ZNF850: variants seen among roughly 807,000 people sequenced by gnomAD.
ZNF850 encodes the protein putative zinc finger protein ENSP00000330994.
Under a neutral mutation model 11.9 loss-of-function variants are expected in ZNF850, and 2 were observed. The ratio of observed to expected loss-of-function variants is 0.17; its 90% CI spans 0.07 to 0.53. The LOEUF (loss-of-function observed/expected upper bound fraction) is 0.53, where lower values mean the gene tolerates loss of function less well. Among genes scored for constraint, ZNF850 ranks in the 20% least tolerant of loss-of-function variants. The pLI is 0.94. For synonymous variants in ZNF850, 381 were observed against 443.0 expected (o/e 0.86, Z 1.76); for missense variants, 1,014 against 1,316.4 (o/e 0.77, Z 3.55).
Position 36,749,797 on chromosome 19 carries a change from G to GAAT in ZNF850, c.1240_1242dup (p.Ile414dup). On this transcript the variant is annotated inframe_insertion, in exon 5 of 5. Transcript: ENST00000591344. ...CAATCATAGGGTTTCTCACCAGTGT[G>GAAT]AATTGCCTGGTGTCCAATTAACCCT... The GAAT allele has an allele frequency of 6.4e-7, 1 of 1,559,302 alleles. No homozygotes were observed. The highest frequency in any genetic ancestry group is 8.7e-7 in the Non-Finnish European group (1 of 1,155,342).
chr19:36,762,499 G>A, intron 2 of ZNF850, 68 bp from the exon 3 acceptor site: 3 of 1,532,436 alleles, frequency 2.0e-6, no homozygotes, highest in Non-Finnish European at 2.6e-6. Flanking sequence ...AGGAAGAGAT[G>A]GAAGGGTGCT....
chr19:36,747,639 AAAAAAAAAAAAAGTCGTAATTCTGG>A lies in ZNF850; in HGVS notation c.*103_*127del. Reference sequence around the variant, plus strand: ...CGACAGAGCAAGACTCCGTCTCAAAAAAAAAAAAAAAAGTCGTAATTCTGGAAAAAGTGAATATGAAGTAATACAC... The same window carrying A: ...CGACAGAGCAAGACTCCGTCTCAAAAAAAAAGTGAATATGAAGTAATACAC... On this transcript the variant is annotated 3_prime_UTR_variant, in exon 5 of 5. Coordinates refer to ENST00000591344, the MANE Select transcript of ZNF850 (RefSeq NM_001193552.2). The A allele has an allele frequency of 9.4e-7, 1 of 1,065,434 alleles. No homozygotes were observed. The highest frequency in any genetic ancestry group is 1.3e-6 in the Non-Finnish European group (1 of 785,264). 66.0% of individuals were successfully genotyped at this position (1,065,434 alleles called of 1,614,324 possible). A position where few individuals can be genotyped will look rare whatever the true frequency, so the allele number is the denominator to read the frequency against.
chr19:36,768,094 T>C (rs2040559214), intron 1 of ZNF850, among the ~76,000 whole-genome samples: 1 of 151,836 alleles, frequency 6.6e-6, no homozygotes, highest in Admixed American at 6.6e-5. Context: ...GACCCCCGTC[T>C]CTGCAAAAAT....
At position 36,744,930 on chromosome 19, in the gene ZNF850, T is replaced by TAACA. The variant is rs2040402565; in HGVS notation, c.*2833_*2836dup. ...GTCAGGAGATTGAGACCATCCTGGCTAACATGGTGAAATTCCGTCTCTACT... is the reference window on the plus strand; with the variant it reads ...GTCAGGAGATTGAGACCATCCTGGCTAACAAACATGGTGAAATTCCGTCTCTACT... On this transcript the variant is annotated 3_prime_UTR_variant, in exon 5 of 5. Coordinates refer to ENST00000591344, the MANE Select transcript of ZNF850 (RefSeq NM_001193552.2). 1 of 152,082 alleles carries TAACA rather than the reference T, an allele frequency of 6.6e-6. No individual in the cohort carries two copies. Among genetic ancestry groups the TAACA allele is most frequent in the East Asian group, 1.9e-4 (1 of 5,174 alleles). The allele number at this position is 152,082 out of a possible 1,614,324, so 9.4% of individuals were successfully genotyped here.
At chr19:36,760,789 C>CG (rs2145964391) in intron 4 of ZNF850, among the ~76,000 whole-genome samples, 1 of 151,822 alleles carries the variant, frequency 6.6e-6, no homozygotes, top group South Asian at 2.1e-4. Context: ...TACTTGAACC[C>CG]GGGAAGTGGA....
At chr19:36,761,221 C>A (rs1327136049) in intron 4 of ZNF850, among the ~76,000 whole-genome samples, 1 of 152,100 alleles carries the variant, frequency 6.6e-6, no homozygotes, top group Non-Finnish European at 1.5e-5. Context: ...AGGTGGATCA[C>A]TTGAGGTCAG....
Position 36,749,001 on chromosome 19 carries a change from T to G in ZNF850, c.2039A>C (p.Lys680Thr), listed in dbSNP as rs1426770818. 2 of 1,607,936 alleles carry G rather than the reference T, an allele frequency of 1.2e-6. No individual in the cohort carries two copies. Among genetic ancestry groups the G allele is most frequent in the Non-Finnish European group, 8.5e-7 (1 of 1,177,874 alleles). ...AAGGTATGTACGCTGTCTAAAGGCC[T>G]TCCCACAGTCCGGACATTCATAGGG... ...EKPYECPDCG[K>T]AFRQRTYLNQ... Residue 680 changes from lysine to threonine, a missense_variant, in exon 5 of 5, where the codon AAG becomes ACG. By Grantham distance (78) the Lys-to-Thr change is moderately conservative. Transcript: ENST00000591344.
intron 1 of ZNF850, among the ~76,000 whole-genome samples, chr19:36,771,739 C>T (rs2040585611): frequency 6.6e-6 from 1 of 152,194 alleles, no homozygotes; most frequent in African/African-American, 2.4e-5. Flanking sequence ...TGCACCGTTT[C>T]GTAAGCCCCC....
At chr19:36,767,787 C>CA (rs1336252125) in intron 1 of ZNF850, among the ~76,000 whole-genome samples, 1 of 150,396 alleles carries the variant, frequency 6.6e-6, no homozygotes, top group African/African-American at 2.4e-5. Context: ...AAAAGAACTC[C>CA]AAAAAAACAA....
intron 1 of ZNF850, among the ~76,000 whole-genome samples, chr19:36,763,269 G>A (rs924761749): frequency 1.3e-5 from 2 of 152,092 alleles, no homozygotes; most frequent in East Asian, 1.9e-4. Context: ...GGCTGGGCGC[G>A]GTGGCTCACA....
In ZNF850 at chr19:36,750,236, A is replaced by C. The variant is rs771332591; in HGVS notation, c.804T>G (p.Leu268=). 16 of 1,538,344 alleles carry C rather than the reference A, an allele frequency of 1.0e-5. No individual in the cohort carries two copies. Among genetic ancestry groups the C allele is most frequent in the Non-Finnish European group, 1.4e-5 (16 of 1,146,872 alleles). ...SVKAFRPSAH[L]IQHWRIHTGD... ...CAGTATGAATTCTCCAATGTTGAAT[A>C]AGATGTGCAGACGGTCTAAAGGCCT... Residue 268 remains leucine, a synonymous_variant, in exon 5 of 5, where the codon CTT becomes CTG. Transcript: ENST00000591344.
chr19:36,760,514 C>G (rs926737005), intron 4 of ZNF850, among the ~76,000 whole-genome samples: 5 of 151,782 alleles, frequency 3.3e-5, no homozygotes, highest in Non-Finnish European at 7.4e-5. Context: ...CCATAACTGT[C>G]ACCCACCAAG....
rs1348925208 is a variant in ZNF850, at chr19:36,743,575, TTCA to T, written c.*4189_*4191del. ...GAAACCATTTCATCTACTAAAGTAG[TTCA>T]TCAATGTTACAATCCTTAGACAAAA... On this transcript the variant is annotated 3_prime_UTR_variant, in exon 5 of 5. Transcript: ENST00000591344. 1 of 152,034 alleles carries T rather than the reference TTCA, an allele frequency of 6.6e-6. No homozygotes were observed. Among genetic ancestry groups the T allele is most frequent in the Non-Finnish European group, 1.5e-5 (1 of 68,008 alleles). The allele number at this position is 152,034 out of a possible 1,614,324, so 9.4% of individuals were successfully genotyped here.
At chr19:36,768,099 A>AAAAAT (rs978523527) in intron 1 of ZNF850, among the ~76,000 whole-genome samples, 7 of 152,178 alleles carry the variant, frequency 4.6e-5, no homozygotes, top group South Asian at 4.1e-4. Flanking sequence ...CCGTCTCTGC[A>AAAAAT]AAAATAAAAT....
chr19:36,754,141 C>A (rs796681750), intron 4 of ZNF850, among the ~76,000 whole-genome samples: 6 of 138,930 alleles, frequency 4.3e-5, no homozygotes, highest in African/African-American at 1.6e-4. Flanking sequence ...TGCACTCAGC[C>A]CGGGCAACAG....
In ZNF850 at chr19:36,748,787, G is replaced by A; in HGVS notation, c.2253C>T (p.His751=). Residue 751 remains histidine, a synonymous_variant, in exon 5 of 5, where the codon CAC becomes CAT. Coordinates refer to ENST00000591344, the MANE Select transcript of ZNF850 (RefSeq NM_001193552.2). The part of the protein sequence containing the change: ...HSTLIQHQQI[H]TGEKPYDCKE... ...TACAATCATAGGGTTTCTCACCAGT[G>A]TGAATTTGCTGATGTTGAATTAGTG... 3 of 1,552,534 alleles carry A rather than the reference G, an allele frequency of 1.9e-6. No individual in the cohort carries two copies. The highest frequency in any genetic ancestry group is 2.6e-6 in the Non-Finnish European group (3 of 1,153,890).
At position 36,750,740 on chromosome 19, in the gene ZNF850, T is replaced by G; in HGVS notation, c.300A>C (p.Ser100=). 1 of 1,533,782 alleles carries G rather than the reference T, an allele frequency of 6.5e-7. No individual in the cohort carries two copies. The highest frequency in any genetic ancestry group is 8.7e-7 in the Non-Finnish European group (1 of 1,145,508). Residue 100 remains serine (S), a synonymous_variant, in exon 5 of 5, where the codon TCA becomes TCC. Transcript: ENST00000591344. ...CLPKEIYEVT[S]SQWVRMEKCH... ...ATTTTTCCATTCTCACCCACTGAGA[T>G]GATGTTACTTCATAGATTTCTTTTG...
intron 4 of ZNF850, among the ~76,000 whole-genome samples, chr19:36,760,704 A>T (rs1361737232): frequency 6.6e-6 from 1 of 151,920 alleles, no homozygotes; most frequent in Non-Finnish European, 1.5e-5. Context: ...GTCTCTACTG[A>T]AAATACAAAA....
intron 4 of ZNF850, among the ~76,000 whole-genome samples, chr19:36,755,083 A>G (rs1180267583): frequency 6.6e-6 from 1 of 152,214 alleles, no homozygotes; most frequent in Non-Finnish European, 1.5e-5. Flanking sequence ...ACACACTTCC[A>G]GAAACTGGTC....
Sources: allele counts gnomAD v4.1 joint callset (sites outside exome capture counted in the v4.1 genomes callset), GRCh38; gene constraint gnomAD v4.1.1; transcripts MANE v1.5; gene names NCBI Gene and HGNC (gene_info 2026-07-23, HGNC 2026-07-21).